Variants in PLD5 observed in about 807,000 individuals in gnomAD.
The protein encoded by PLD5 is inactive phospholipase D5.
Under a neutral mutation model 61.1 loss-of-function variants are expected in PLD5, and 36 were observed. That is an observed-to-expected ratio of 0.59 (90% confidence interval 0.45 to 0.78). The LOEUF is 0.78. PLD5 is among the 30% of genes least tolerant of loss of function. The probability of loss-of-function intolerance (pLI) is 0.00; values close to 1 mark genes in which losing one functional copy is unlikely to be tolerated. For missense variants in PLD5, 515 were observed against 644.4 expected (o/e 0.80, Z 2.17); for synonymous variants, 243 against 242.8 (o/e 1.00, Z -0.01).
At chr1:242,276,231 G>C (rs10926675) in intron 3 of PLD5, among the ~76,000 whole-genome samples, 45,289 of 150,266 alleles carry the variant, frequency 0.3, 7,828 homozygotes, top group Middle Eastern at 0.45. Context: ...CTAGCTACTT[G>C]AGAGGCTGAG....
intron 1 of PLD5, among the ~76,000 whole-genome samples, chr1:242,463,059 G>A (rs974868921): frequency 3.3e-5 from 5 of 152,066 alleles, no homozygotes; most frequent in Middle Eastern, 3.4e-3. Context: ...CACTAGCTGC[G>A]AACGCTCTGT....
intron 2 of PLD5, among the ~76,000 whole-genome samples, chr1:242,312,868 G>T (rs1676782648): frequency 2.0e-5 from 3 of 152,134 alleles, no homozygotes; most frequent in Non-Finnish European, 4.4e-5. Context: ...TTGGGTATTT[G>T]CTTCGTTCTT....
At chr1:242,445,761 C>CTT (rs759465537) in intron 1 of PLD5, among the ~76,000 whole-genome samples, 4,962 of 129,654 alleles carry the variant, frequency 0.038, 340 homozygotes, top group African/African-American at 0.13. Context: ...TTATTCACTT[C>CTT]TTTTTTTTTT....
intron 2 of PLD5, among the ~76,000 whole-genome samples, chr1:242,314,121 A>T (rs1676869051): frequency 6.6e-6 from 1 of 152,172 alleles, no homozygotes; most frequent in Admixed American, 6.5e-5. Context: ...AGGTTGGCTG[A>T]TCACTCAACC....
intron 5 of PLD5, chr1:242,178,449 T>C (rs560502661): frequency 9.8e-5 from 15 of 152,288 alleles, no homozygotes; most frequent in African/African-American, 3.6e-4. Flanking sequence ...GCTTTTATCA[T>C]GAGAATTTTT....
chr1:242,305,908 C>G (rs1330828422), intron 2 of PLD5, among the ~76,000 whole-genome samples: 3 of 152,156 alleles, frequency 2.0e-5, no homozygotes, highest in Non-Finnish European at 4.4e-5. Flanking sequence ...AGAGGAATGC[C>G]TTGGAGATGC....
In PLD5 at chr1:242,256,438, G is replaced by A. The variant is rs1430653431; in HGVS notation, c.607+8899C>T. ...TCCCACTGTGGCAGTATTAAGTGGT[G>A]GGGTCTTTGGAAAGTGACTGAGTCA... On this transcript the variant is annotated intron_variant, in intron 4 of 9. Coordinates refer to ENST00000536534, the MANE Select transcript of PLD5 (RefSeq NM_001372062.1). The surrounding 1 kb of genome is among the most constrained non-coding windows in gnomAD (Gnocchi z 5.7). Among the ~76,000 whole-genome samples, 2 of 152,176 alleles carry A rather than the reference G, an allele frequency of 1.3e-5. No individual in the cohort carries two copies. Among genetic ancestry groups the A allele is most frequent in the Non-Finnish European group, 2.9e-5 (2 of 68,022 alleles).
chr1:242,243,166 T>C (rs1240640388), intron 4 of PLD5, among the ~76,000 whole-genome samples: 1 of 152,196 alleles, frequency 6.6e-6, no homozygotes, highest in Non-Finnish European at 1.5e-5. Flanking sequence ...TTAACACATA[T>C]GCCAGGGCCT....
chr1:242,129,632 G>A (rs190747329), intron 5 of PLD5, among the ~76,000 whole-genome samples: 94 of 152,298 alleles, frequency 6.2e-4, no homozygotes, highest in Admixed American at 1.1e-3. Context: ...TGACTGATTT[G>A]CTGACAAATT....
chr1:242,186,310 G>C (rs1042666215), intron 5 of PLD5, among the ~76,000 whole-genome samples: 1 of 152,022 alleles, frequency 6.6e-6, no homozygotes. Flanking sequence ...AGCCTCCCGA[G>C]TAGCTGGGAT....
rs577392384 is a variant in PLD5 at position 242,379,619 on chromosome 1, T to A, written c.190-31377A>T. Among the ~76,000 whole-genome samples the A allele has an allele frequency of 8.8e-5, 13 of 148,040 alleles. No homozygotes were observed. In the East Asian group the frequency reaches 9.8e-4, roughly 11 times the overall value. On this transcript the variant is annotated intron_variant, in intron 1 of 9. Coordinates refer to ENST00000536534, the MANE Select transcript of PLD5 (RefSeq NM_001372062.1). ...CTTCATTGCTTTTTGTTTACTACTT[T>A]AAAAAAAAAAACTTTGAGTTTTACG...
At chr1:242,157,437 C>A (rs1266977211) in intron 5 of PLD5, among the ~76,000 whole-genome samples, 1 of 152,170 alleles carries the variant, frequency 6.6e-6, no homozygotes, top group Non-Finnish European at 1.5e-5. Context: ...AAGAGGTGTT[C>A]TGGTTTTTGG....
chr1:242,394,924 GTATAC>G (rs1298039688), intron 1 of PLD5, among the ~76,000 whole-genome samples: 3 of 54,786 alleles, frequency 5.5e-5, no homozygotes, highest in Admixed American at 2.4e-4. Flanking sequence ...ATGTATATAT[GTATAC>G]ATTATATGAA....
intron 6 of PLD5, among the ~76,000 whole-genome samples, chr1:242,121,213 T>G (rs541026385): frequency 6.6e-6 from 1 of 152,280 alleles, no homozygotes; most frequent in South Asian, 2.1e-4. Flanking sequence ...TCATTGCTGC[T>G]TTTAGCTAGC....
At chr1:242,457,969 A>T (rs1666994747) in intron 1 of PLD5, among the ~76,000 whole-genome samples, 1 of 152,194 alleles carries the variant, frequency 6.6e-6, no homozygotes, top group African/African-American at 2.4e-5. Flanking sequence ...CTTCAGAAGA[A>T]GGAACCCCTT....
In PLD5 at chr1:242,303,287, C is replaced by T. The variant is rs549200842; in HGVS notation, c.327-14757G>A. Among the ~76,000 whole-genome samples the T allele has an allele frequency of 1.3e-4, 20 of 152,298 alleles. 1 individual carries two copies. In the East Asian group the frequency reaches 3.9e-3, roughly 29 times the overall value. ...TCTTTCCTGAGCCTGCCCTTGGCCT[C>T]GCCGTCTCTCTCAGCCCATTGCTTC... On this transcript the variant is annotated intron_variant, in intron 2 of 9. Transcript: ENST00000536534.
At chr1:242,512,913 C>T (rs1668977726) in intron 1 of PLD5, among the ~76,000 whole-genome samples, 1 of 151,704 alleles carries the variant, frequency 6.6e-6, no homozygotes, top group Non-Finnish European at 1.5e-5. Context: ...ACTCTGTTGC[C>T]CAGGCTGGAG....
At position 242,088,429 on chromosome 1, in the gene PLD5, A is replaced by T. The variant is rs1221876961; in HGVS notation, c.*1425T>A. 2 of 152,232 alleles carry T rather than the reference A, an allele frequency of 1.3e-5. No homozygotes were observed. Among genetic ancestry groups the T allele is most frequent in the African/African-American group, 4.8e-5 (2 of 41,462 alleles). 9.4% of individuals were successfully genotyped at this position (152,232 alleles called of 1,614,324 possible). A position where few individuals can be genotyped will look rare whatever the true frequency, so the allele number is the denominator to read the frequency against. On this transcript the variant is annotated 3_prime_UTR_variant, in exon 10 of 10. Transcript: ENST00000536534. ...TGACAAAGTTTATTTCAAGAAAAAG[A>T]TTATATATTATAATGCTTAGCATTT... is the stretch of plus-strand genomic sequence containing the variant.
chr1:242,238,812 T>C (rs906388491), intron 4 of PLD5, among the ~76,000 whole-genome samples: 3 of 152,182 alleles, frequency 2.0e-5, no homozygotes, highest in African/African-American at 7.2e-5. Flanking sequence ...TTTGGATGAC[T>C]CTGGGGCCTA....
Sources: gnomAD v4.1 joint callset for allele counts (sites outside exome capture counted in the v4.1 genomes callset) on GRCh38, gnomAD v4.1.1 for gene constraint, Gnocchi (gnomAD v3.1) non-coding constraint, MANE v1.5 for transcripts, NCBI Gene and HGNC (gene_info 2026-07-23, HGNC 2026-07-21) for gene names.